The following FRMD3 variants were observed in gnomAD, a reference collection of about 807,000 sequenced individuals.
The protein encoded by FRMD3 is FERM domain-containing protein 3.
A neutral mutation model predicts 70.2 loss-of-function variants in FRMD3; 33 were observed. The observed-to-expected ratio is 0.47, with a 90% CI of 0.36 to 0.63. The LOEUF is 0.63. Ranked by LOEUF, FRMD3 falls within the 20% of genes least tolerant of loss-of-function variation. FRMD3 has a pLI of 0.00. For missense variants in FRMD3, 632 were observed against 711.4 expected (o/e 0.89, Z 1.27); for synonymous variants, 279 against 255.9 (o/e 1.09, Z -0.86).
intron 3 of FRMD3, among the ~76,000 whole-genome samples, chr9:83,366,617 C>T (rs1246781513): frequency 6.6e-6 from 1 of 152,036 alleles, no homozygotes; most frequent in Non-Finnish European, 1.5e-5. Flanking sequence ...CTGAGTTACC[C>T]TGAAGTGACA....
the FRMD3 span, among the ~76,000 whole-genome samples, chr9:83,552,579 A>G: frequency 2.0e-5 from 3 of 152,056 alleles, no homozygotes; most frequent in African/African-American, 7.2e-5. Context: ...GAAGTCTCCC[A>G]CTATTATTTT....
Position 83,537,744 on chromosome 9 carries a change from C to T in FRMD3, c.147+341G>A, listed in dbSNP as rs1829928846. Among the ~76,000 whole-genome samples the T allele has an allele frequency of 6.6e-6, 1 of 152,212 alleles. No homozygotes were observed. The highest frequency in any genetic ancestry group is 1.5e-5 in the Non-Finnish European group (1 of 68,026). On this transcript the variant is annotated intron_variant, in intron 1 of 13. Coordinates refer to ENST00000304195, the MANE Select transcript of FRMD3 (RefSeq NM_174938.6). The surrounding 1 kb of genome is among the most constrained non-coding windows in gnomAD (Gnocchi z 4.1). ...GGTGCCCCTCTCAGCCCTCGGAGCT[C>T]CCATCTCCTGGCGGAGTAGGGCCCA...
chr9:83,261,102 G>GACACACACACAT (rs1832965856), intron 13 of FRMD3, among the ~76,000 whole-genome samples: 1 of 133,038 alleles, frequency 7.5e-6, no homozygotes, highest in African/African-American at 2.8e-5. Flanking sequence ...AGGAAACTTA[G>GACACACACACAT]ACACACACAC....
the FRMD3 span, among the ~76,000 whole-genome samples, chr9:83,545,353 T>TTGG: frequency 7.7e-5 from 10 of 129,206 alleles, no homozygotes; most frequent in African/African-American, 1.1e-4. Flanking sequence ...GTTGTTTTTT[T>TTGG]TTGTTTTTTT....
chr9:83,245,170 T>C lies in FRMD3; in HGVS notation c.*2748A>G, dbSNP rs1167525332. 5 of 985,040 alleles carry C rather than the reference T, an allele frequency of 5.1e-6. No individual in the cohort carries two copies. Among genetic ancestry groups the C allele is most frequent in the Non-Finnish European group, 6.0e-6 (5 of 829,696 alleles). The allele number at this position is 985,040 out of a possible 1,614,324, so 61.0% of individuals were successfully genotyped here. A position where few individuals can be genotyped will look rare whatever the true frequency, so the allele number is the denominator to read the frequency against. On this transcript the variant is annotated 3_prime_UTR_variant, in exon 14 of 14. Coordinates refer to ENST00000304195, the MANE Select transcript of FRMD3 (RefSeq NM_174938.6). ...ATGAGGGGCATATATGTTGTGTCTA[T>C]TCAAAGACACACATATATACAGATT...
chr9:83,268,446 A>G (rs1401897699), intron 13 of FRMD3, among the ~76,000 whole-genome samples: 1 of 152,236 alleles, frequency 6.6e-6, no homozygotes, highest in African/African-American at 2.4e-5. Flanking sequence ...TAAGACAAAG[A>G]TGTTCATCAG....
the FRMD3 span, among the ~76,000 whole-genome samples, chr9:83,546,828 G>T: frequency 1.4e-5 from 2 of 140,122 alleles, no homozygotes; most frequent in Non-Finnish European, 3.0e-5. Context: ...GGAGGCGGAG[G>T]TTGCACTGAG....
chr9:83,345,351 C>T (rs1182145836), intron 4 of FRMD3, among the ~76,000 whole-genome samples: 2 of 152,124 alleles, frequency 1.3e-5, no homozygotes, highest in African/African-American at 4.8e-5. Context: ...AGACTAGCTG[C>T]CTAATCTAGT....
At chr9:83,351,323 T>TACACACACAC (rs56407249) in intron 3 of FRMD3, among the ~76,000 whole-genome samples, 24,817 of 143,688 alleles carry the variant, frequency 0.17, 2,210 homozygotes, top group Middle Eastern at 0.21. Context: ...AAACTGATCA[T>TACACACACAC]ACACACACAC....
the FRMD3 span, among the ~76,000 whole-genome samples, chr9:83,556,161 T>C: frequency 6.6e-6 from 1 of 152,146 alleles, no homozygotes; most frequent in African/African-American, 2.4e-5. Context: ...TACAGATTTC[T>C]TTGTTCCCTC....
At chr9:83,500,514 A>T (rs1829043158) in intron 1 of FRMD3, among the ~76,000 whole-genome samples, 1 of 151,226 alleles carries the variant, frequency 6.6e-6, no homozygotes. Flanking sequence ...ACACACACAC[A>T]CACACACACA....
intron 6 of FRMD3, among the ~76,000 whole-genome samples, chr9:83,315,369 G>T (rs773084363): frequency 6.6e-6 from 1 of 152,102 alleles, no homozygotes; most frequent in Non-Finnish European, 1.5e-5. Context: ...GGGATGTGCC[G>T]TGTGGAACAG....
intron 3 of FRMD3, among the ~76,000 whole-genome samples, chr9:83,362,782 T>C (rs1824638126): frequency 6.9e-6 from 1 of 144,332 alleles, no homozygotes; most frequent in Non-Finnish European, 1.5e-5. Context: ...CTTCCTTATT[T>C]CCTTCCCTCC....
chr9:83,283,543 AAAAAATAATAATAAT>A (rs1834062495), intron 13 of FRMD3, among the ~76,000 whole-genome samples: 1 of 44,314 alleles, frequency 2.3e-5, no homozygotes, highest in African/African-American at 6.1e-5. Flanking sequence ...AAAAAAAAAA[AAAAAATAATAATAAT>A]AATAATAATA....
the FRMD3 span, among the ~76,000 whole-genome samples, chr9:83,572,531 G>T: frequency 6.6e-6 from 1 of 152,188 alleles, no homozygotes. Context: ...GGCTGGAGGA[G>T]GCAGCGTCAG....
intron 10 of FRMD3, among the ~76,000 whole-genome samples, chr9:83,300,795 T>C (rs927923576): frequency 6.6e-6 from 1 of 152,146 alleles, no homozygotes; most frequent in Non-Finnish European, 1.5e-5. Context: ...CTAATAAAGA[T>C]AAGTGAATGT....
chr9:83,308,843 T>C (rs1203363182), intron 10 of FRMD3, among the ~76,000 whole-genome samples: 1 of 152,178 alleles, frequency 6.6e-6, no homozygotes, highest in Non-Finnish European at 1.5e-5. Flanking sequence ...GAGGTCTCTT[T>C]TTCTGGTTGT....
At chr9:83,485,971 T>C (rs1000066898) in intron 1 of FRMD3, among the ~76,000 whole-genome samples, 3 of 152,066 alleles carry the variant, frequency 2.0e-5, no homozygotes, top group Non-Finnish European at 4.4e-5. Context: ...GTATATGTTG[T>C]ATATCATACA....
At chr9:83,335,435 C>T in intron 6 of FRMD3, 81 bp downstream of exon 6, 1 of 1,406,240 alleles carries the variant, frequency 7.1e-7, no homozygotes, top group African/African-American at 1.4e-5. Context: ...ATTCCTCCTT[C>T]ACGATGTGAT....
Sources: gnomAD v4.1 joint callset for allele counts (sites outside exome capture counted in the v4.1 genomes callset) on GRCh38, gnomAD v4.1.1 for gene constraint, Gnocchi (gnomAD v3.1) non-coding constraint, MANE v1.5 for transcripts, NCBI Gene and HGNC (gene_info 2026-07-23, HGNC 2026-07-21) for gene names.